The following DGKB variants were observed in gnomAD, a reference collection of about 807,000 sequenced individuals.
The protein encoded by DGKB is diacylglycerol kinase beta, also known as 90 kDa diacylglycerol kinase.
Under a neutral mutation model 114.3 loss-of-function variants are expected in DGKB, and 67 were observed. The ratio of observed to expected loss-of-function variants is 0.59; its 90% confidence interval spans 0.48 to 0.72. DGKB has a LOEUF of 0.72. DGKB is among the 30% of genes least tolerant of loss of function. The probability of loss-of-function intolerance (pLI) is 0.00; values close to 1 mark genes in which losing one functional copy is unlikely to be tolerated. For synonymous variants in DGKB, 398 were observed against 323.1 expected (o/e 1.23, Z -2.49); for missense variants, 907 against 975.2 (o/e 0.93, Z 0.93).
Position 14,146,131 on chromosome 7 carries a change from TCCA to T in DGKB, c.*2997_*2999del, listed in dbSNP as rs1310014016. Reference sequence around the variant, plus strand: ...TTAAACTTCCTGCAAGATATCTCCTTCCACCACAATAAATTGATCAGCATTTTC... The same window carrying T: ...TTAAACTTCCTGCAAGATATCTCCTTCCACAATAAATTGATCAGCATTTTC... On this transcript the variant is annotated 3_prime_UTR_variant, in exon 26 of 26. Coordinates refer to ENST00000402815, the MANE Select transcript of DGKB (RefSeq NM_001350709.2). 6.6e-6 allele frequency: 1 copy of T among 152,226 alleles called. No individual in the cohort carries two copies. Among genetic ancestry groups the T allele is most frequent in the Non-Finnish European group, 1.5e-5 (1 of 68,044 alleles). The allele number at this position is 152,226 out of a possible 1,614,324, so 9.4% of individuals were successfully genotyped here.
intron 20 of DGKB, among the ~76,000 whole-genome samples, chr7:14,545,573 T>C (rs756408604): frequency 6.6e-6 from 1 of 152,158 alleles, no homozygotes; most frequent in Non-Finnish European, 1.5e-5. Flanking sequence ...AAAGGAACTA[T>C]GAAGAACAAG....
intron 19 of DGKB, among the ~76,000 whole-genome samples, chr7:14,580,650 TA>T (rs1799786293): frequency 1.3e-5 from 2 of 152,220 alleles, no homozygotes; most frequent in South Asian, 4.1e-4. Context: ...AGTCTCTATT[TA>T]ATATCACATT....
chr7:14,448,585 T>G (rs1411653592), intron 21 of DGKB, among the ~76,000 whole-genome samples: 2 of 152,124 alleles, frequency 1.3e-5, no homozygotes, highest in Non-Finnish European at 2.9e-5. Flanking sequence ...ACCATGACAT[T>G]GTAAGTTAAA....
chr7:14,962,290 T>C (rs1432965333), intron 1 of DGKB, among the ~76,000 whole-genome samples: 1 of 150,788 alleles, frequency 6.6e-6, no homozygotes, highest in Non-Finnish European at 1.5e-5. Context: ...AATGGCTGTA[T>C]CTATTTGCAT....
chr7:14,871,856 T>C (rs1429782963), intron 1 of DGKB, among the ~76,000 whole-genome samples: 1 of 152,216 alleles, frequency 6.6e-6, no homozygotes, highest in African/African-American at 2.4e-5. Flanking sequence ...ATAATTAAAA[T>C]GAATTTTCAA....
intron 13 of DGKB, among the ~76,000 whole-genome samples, chr7:14,654,124 A>G (rs1184284373): frequency 1.3e-5 from 2 of 152,096 alleles, no homozygotes; most frequent in African/African-American, 4.8e-5. Flanking sequence ...ATAATCTTAC[A>G]TATAGAAAAA....
chr7:14,434,566 C>A (rs1322860366), intron 21 of DGKB, among the ~76,000 whole-genome samples: 1 of 152,090 alleles, frequency 6.6e-6, no homozygotes, highest in Non-Finnish European at 1.5e-5. Flanking sequence ...TCCCATAGAG[C>A]CCCAGAAAGG....
chr7:14,621,310 T>C lies in DGKB; in HGVS notation c.1284+68A>G, dbSNP rs550220041. 8 of 871,342 alleles carry C rather than the reference T, an allele frequency of 9.2e-6. No homozygotes were observed. The East Asian group carries it at 1.6e-4, about 17-fold the overall frequency. 54.0% of individuals were successfully genotyped at this position (871,342 alleles called of 1,614,324 possible). On this transcript the variant is annotated intron_variant, in intron 15 of 25. Transcript: ENST00000402815. ...AAACAAATGTGTTGATAGCTGAACA[T>C]ATGCCCCTTTAGAGCCTAGAAGTAT...
chr7:14,278,742 G>C (rs1205741171), intron 23 of DGKB, among the ~76,000 whole-genome samples: 1 of 152,100 alleles, frequency 6.6e-6, no homozygotes, highest in Non-Finnish European at 1.5e-5. Context: ...ATCTGATAGG[G>C]AGTTAATAAG....
rs529823673 is a variant in DGKB, at chr7:14,630,316, C to A, written c.1135-48G>T. 18 of 1,443,910 alleles carry A rather than the reference C, an allele frequency of 1.2e-5. No homozygotes were observed. In the East Asian group the frequency reaches 4.1e-4, roughly 33 times the overall value. 89.4% of individuals were successfully genotyped at this position (1,443,910 alleles called of 1,614,324 possible). A position where few individuals can be genotyped will look rare whatever the true frequency, so the allele number is the denominator to read the frequency against. ...ATGAAAGCTGAAAAAGAGTCAAACTCAAAACAAATCAGTGAAGTTTCTCAT... is the reference window on the plus strand; with the variant it reads ...ATGAAAGCTGAAAAAGAGTCAAACTAAAAACAAATCAGTGAAGTTTCTCAT... On this transcript the variant is annotated intron_variant, in intron 13 of 25. Transcript: ENST00000402815.
chr7:14,275,031 T>C (rs1798802604), intron 23 of DGKB, among the ~76,000 whole-genome samples: 1 of 151,986 alleles, frequency 6.6e-6, no homozygotes, highest in South Asian at 2.1e-4. Context: ...TTCTCTGTTG[T>C]CCTAGATGAA....
chr7:14,305,017 T>G (rs2128494537), intron 23 of DGKB, among the ~76,000 whole-genome samples: 1 of 152,252 alleles, frequency 6.6e-6, no homozygotes, highest in South Asian at 2.1e-4. Context: ...AAATAATAGT[T>G]GTTCACATTT....
intron 20 of DGKB, among the ~76,000 whole-genome samples, chr7:14,496,487 A>C (rs1466296950): frequency 6.6e-6 from 1 of 151,686 alleles, no homozygotes; most frequent in African/African-American, 2.4e-5. Flanking sequence ...AATATTTTGC[A>C]CAAAAGCAAC....
intron 1 of DGKB, among the ~76,000 whole-genome samples, chr7:14,928,402 T>C (rs2128249781): frequency 6.6e-6 from 1 of 152,084 alleles, no homozygotes; most frequent in East Asian, 1.9e-4. Flanking sequence ...TATATCTTGT[T>C]TCCTCTGTTC....
intron 6 of DGKB, among the ~76,000 whole-genome samples, chr7:14,717,409 CTT>C (rs1376838721): frequency 3.3e-5 from 5 of 151,980 alleles, no homozygotes; most frequent in Admixed American, 3.3e-4. Flanking sequence ...TTAATATTTA[CTT>C]TGGAATGAGA....
intron 1 of DGKB, among the ~76,000 whole-genome samples, chr7:14,877,697 A>T (rs1853525105): frequency 6.6e-6 from 1 of 152,234 alleles, no homozygotes; most frequent in Non-Finnish European, 1.5e-5. Context: ...GTTCTGCAGA[A>T]AACTGAGCTT....
intron 23 of DGKB, among the ~76,000 whole-genome samples, chr7:14,264,270 G>T (rs372619959): frequency 1.3e-5 from 2 of 152,116 alleles, no homozygotes; most frequent in East Asian, 3.9e-4. Flanking sequence ...CTCTTCTTAG[G>T]ATTAATGCAT....
intron 23 of DGKB, among the ~76,000 whole-genome samples, chr7:14,249,508 A>G (rs550685326): frequency 6.3e-4 from 96 of 151,964 alleles, no homozygotes; most frequent in Admixed American, 1.9e-3. Context: ...TACTGATTCA[A>G]TCTCCTTACT....
rs1212041528 is a variant in DGKB at position 14,183,940 on chromosome 7, C to G, written c.2123-5789G>C. Among the ~76,000 whole-genome samples, 3 of 152,124 alleles carry G rather than the reference C, an allele frequency of 2.0e-5. No individual in the cohort carries two copies. The East Asian group carries it at 5.8e-4, about 29-fold the overall frequency. On this transcript the variant is annotated intron_variant, in intron 23 of 25. Coordinates refer to ENST00000402815, the MANE Select transcript of DGKB (RefSeq NM_001350709.2). ...ACGGAAGTGGACTGCTCCTGCGGAGCCTGGGAGACCCCCCAAATACTGAGT... is the reference window on the plus strand; with the variant it reads ...ACGGAAGTGGACTGCTCCTGCGGAGGCTGGGAGACCCCCCAAATACTGAGT...
Sources: gnomAD v4.1 joint callset for allele counts (sites outside exome capture counted in the v4.1 genomes callset) on GRCh38, gnomAD v4.1.1 for gene constraint, MANE v1.5 for transcripts, NCBI Gene and HGNC (gene_info 2026-07-23, HGNC 2026-07-21) for gene names.